CCDC3: variants seen among roughly 807,000 people sequenced by gnomAD.
CCDC3 encodes coiled-coil domain containing 3.
In CCDC3, 24 loss-of-function variants were observed where a neutral mutation model predicts 21.4. That is an observed-to-expected ratio of 1.12 (90% CI 0.81 to 1.58). The LOEUF (loss-of-function observed/expected upper bound fraction) is 1.58, where lower values mean the gene tolerates loss of function less well. Among genes scored for constraint, CCDC3 ranks in the 40% most tolerant of loss-of-function variants. The pLI, the probability that CCDC3 is intolerant of heterozygous loss-of-function variation, is 0.00. For missense variants in CCDC3, 425 were observed against 360.9 expected (o/e 1.18, Z -1.44); for synonymous variants, 186 against 166.0 (o/e 1.12, Z -0.93).
intron 2 of CCDC3, among the ~76,000 whole-genome samples, chr10:12,919,637 T>C (rs937479544): frequency 5.3e-5 from 8 of 151,892 alleles, no homozygotes; most frequent in African/African-American, 1.9e-4. Flanking sequence ...TCACACTCTT[T>C]AAAGGGATTA....
intron 2 of CCDC3, among the ~76,000 whole-genome samples, chr10:12,919,647 A>G (rs1022062654): frequency 2.0e-5 from 3 of 150,458 alleles, no homozygotes; most frequent in Non-Finnish European, 4.4e-5. Context: ...TAAAGGGATT[A>G]TCGGCTCCGG....
intron 2 of CCDC3, 31 bp downstream of exon 2, chr10:12,998,307 T>G: frequency 6.2e-7 from 1 of 1,603,966 alleles, no homozygotes; most frequent in Non-Finnish European, 8.5e-7. Flanking sequence ...ACTATTGTTT[T>G]GCTGTGGCAC....
intron 2 of CCDC3, among the ~76,000 whole-genome samples, chr10:12,991,279 A>G (rs551303438): frequency 3.3e-5 from 5 of 152,138 alleles, no homozygotes; most frequent in African/African-American, 1.2e-4. Flanking sequence ...CGTGCTATAT[A>G]TTCCACCAAA....
In CCDC3 at chr10:12,930,827, C is replaced by A. The variant is rs181058015; in HGVS notation, c.550-32148G>T. ...AGTGCCGAGGTCAAGAAGCCCCATT[C>A]TAGGGTACCTGGAGCATAGAGCACA... On this transcript the variant is annotated intron_variant, in intron 2 of 2. Coordinates refer to ENST00000378825, the MANE Select transcript of CCDC3 (RefSeq NM_031455.4). Among the ~76,000 whole-genome samples the A allele has an allele frequency of 3.7e-4, 56 of 152,286 alleles. No homozygotes were observed. In the East Asian group the frequency reaches 0.011, roughly 29 times the overall value.
intron 2 of CCDC3, among the ~76,000 whole-genome samples, chr10:12,913,235 T>C (rs1175305877): frequency 6.6e-6 from 1 of 152,234 alleles, no homozygotes; most frequent in Non-Finnish European, 1.5e-5. Flanking sequence ...TATCTTCCCA[T>C]TTATTTGTAT....
intron 2 of CCDC3, among the ~76,000 whole-genome samples, chr10:12,939,561 T>C (rs953656621): frequency 7.2e-5 from 11 of 152,102 alleles, no homozygotes; most frequent in Non-Finnish European, 1.3e-4. Context: ...CTGGCCTGAG[T>C]GACAGAGCCA....
intron 2 of CCDC3, among the ~76,000 whole-genome samples, chr10:12,960,484 C>A (rs1824421104): frequency 6.6e-6 from 1 of 152,144 alleles, no homozygotes; most frequent in African/African-American, 2.4e-5. Flanking sequence ...CAGAAAGCAG[C>A]TGCCAGGCAG....
In CCDC3 at chr10:12,919,156, G is replaced by A. The variant is rs528598319; in HGVS notation, c.550-20477C>T. ...ATGCCCACATAATTATTTTTTAAGG[G>A]TCTATGTATTATGTGTGTAAAGACC... On this transcript the variant is annotated intron_variant, in intron 2 of 2. Coordinates refer to ENST00000378825, the MANE Select transcript of CCDC3 (RefSeq NM_031455.4). Among the ~76,000 whole-genome samples the A allele has an allele frequency of 8.5e-5, 13 of 152,298 alleles. No homozygotes were observed. In the Middle Eastern group the frequency reaches 0.014, roughly 159 times the overall value.
chr10:12,949,735 C>G (rs1005549445), intron 2 of CCDC3, among the ~76,000 whole-genome samples: 4 of 152,156 alleles, frequency 2.6e-5, no homozygotes, highest in Non-Finnish European at 5.9e-5. Context: ...CTATCAGATC[C>G]TGAAGCAAAA....
chr10:13,088,545 A>G (rs1837140182), intron 3 of CCDC3, among the ~76,000 whole-genome samples: 1 of 152,192 alleles, frequency 6.6e-6, no homozygotes, highest in Non-Finnish European at 1.5e-5. Flanking sequence ...TATGAGAACT[A>G]GAGATGAAAA....
chr10:13,094,772 G>A (rs995243637), intron 3 of CCDC3, among the ~76,000 whole-genome samples: 1 of 152,002 alleles, frequency 6.6e-6, no homozygotes, highest in African/African-American at 2.4e-5. Context: ...GCTGAGGTGG[G>A]AGAATTGCTT....
intron 2 of CCDC3, among the ~76,000 whole-genome samples, chr10:12,936,355 A>G (rs533103370): frequency 1.3e-5 from 2 of 152,014 alleles, no homozygotes; most frequent in East Asian, 3.9e-4. Flanking sequence ...GTTTTCTTTC[A>G]AGAATTTTTT....
At chr10:13,027,561 A>C (rs899035555) in intron 5 of CCDC3, among the ~76,000 whole-genome samples, 1 of 151,856 alleles carries the variant, frequency 6.6e-6, no homozygotes, top group South Asian at 2.1e-4. Context: ...TCAACCATCC[A>C]CGCCCAGGGC....
chr10:13,029,582 A>G (rs1159551251), intron 5 of CCDC3, among the ~76,000 whole-genome samples: 1 of 152,180 alleles, frequency 6.6e-6, no homozygotes, highest in African/African-American at 2.4e-5. Context: ...CAAAGAAGCT[A>G]AAAACCATGA....
chr10:13,000,230 T>C (rs1835825919), intron 1 of CCDC3, among the ~76,000 whole-genome samples: 1 of 152,230 alleles, frequency 6.6e-6, no homozygotes, highest in East Asian at 1.9e-4. Context: ...ATAGGTTAGA[T>C]TCCATTTTGA....
chr10:12,970,741 C>T (rs552355928), intron 2 of CCDC3, among the ~76,000 whole-genome samples: 1 of 152,058 alleles, frequency 6.6e-6, no homozygotes, highest in Non-Finnish European at 1.5e-5. Context: ...CAAAACGTAG[C>T]TGGGCATGGT....
In CCDC3 at chr10:13,036,149, C is replaced by T. The variant is rs373235549; in HGVS notation, c.-2+13525G>A. Among the ~76,000 whole-genome samples, 6 of 151,862 alleles carry T rather than the reference C, an allele frequency of 4.0e-5. No individual in the cohort carries two copies. In the East Asian group the frequency reaches 1.2e-3, roughly 29 times the overall value. On this transcript the variant is annotated intron_variant, in intron 5 of 6. Coordinates refer to the CCDC3 transcript ENST00000378839. ...CAGAGCAAGACTCTGTCTCAAAAAA[C>T]AAACAAACAAACAAACAAAAACAAG...
intron 2 of CCDC3, among the ~76,000 whole-genome samples, chr10:12,960,159 CACACACACA>C (rs1156496146): frequency 5.6e-5 from 3 of 54,016 alleles, no homozygotes; most frequent in Non-Finnish European, 1.1e-4. Context: ...ATTTCACACA[CACACACACA>C]ACACACACAC....
intron 2 of CCDC3, among the ~76,000 whole-genome samples, chr10:12,944,720 T>C (rs1024737445): frequency 3.3e-5 from 5 of 152,192 alleles, no homozygotes; most frequent in African/African-American, 1.2e-4. Context: ...ACTCATAACT[T>C]TTCCTACCTA....
Sources: allele counts gnomAD v4.1 joint callset (sites outside exome capture counted in the v4.1 genomes callset), GRCh38; gene constraint gnomAD v4.1.1; transcripts MANE v1.5; gene names NCBI Gene and HGNC (gene_info 2026-07-23, HGNC 2026-07-21).